NHSL1: variants seen among roughly 807,000 people sequenced by gnomAD.
NHSL1 encodes the protein NHS-like protein 1.
Under a neutral mutation model 95.0 loss-of-function variants are expected in NHSL1, and 48 were observed. The observed-to-expected ratio is 0.51, with a 90% CI of 0.40 to 0.64. The LOEUF (loss-of-function observed/expected upper bound fraction) is 0.64, where lower values mean the gene tolerates loss of function less well. Ranked by LOEUF, NHSL1 falls within the 30% of genes least tolerant of loss-of-function variation. NHSL1 has a pLI of 0.00. For missense variants in NHSL1, 1,971 were observed against 2,077.7 expected, an observed-to-expected ratio of 0.95 and a Z score of 1.00; for synonymous variants, 783 against 833.9, an observed-to-expected ratio of 0.94 and a Z score of 1.05.
chr6:138,501,047 A>G (rs1452159710), upstream of NHSL1, among the ~76,000 whole-genome samples: 1 of 152,236 alleles, frequency 6.6e-6, no homozygotes, highest in Non-Finnish European at 1.5e-5. Flanking sequence ...TGCTCATTGC[A>G]TTAGACACAA....
intron 2 of NHSL1, among the ~76,000 whole-genome samples, chr6:138,492,254 C>A (rs1780121740): frequency 6.6e-6 from 1 of 152,124 alleles, no homozygotes; most frequent in African/African-American, 2.4e-5. Flanking sequence ...GTGAGGGGAC[C>A]TCCCAGTGCT....
At position 138,433,532 on chromosome 6, in the gene NHSL1, G is replaced by T. The variant is rs374458398; in HGVS notation, c.813C>A (p.Val271=). The change falls in exon 6 of 8, where the codon GTC becomes GTA. Residue 271 remains valine (V), a synonymous_variant. Coordinates refer to ENST00000343505, the MANE Select transcript of NHSL1 (RefSeq NM_001144060.2). ...TGATTCTCCTCATGGAAGGTGGTAC[G>T]ACCTTCACATCCTCCGTCTGACAGC... ...DSSCQTEDVK[V]VPPSMRRIRA... 6.4e-7 allele frequency: 1 copy of T among 1,551,926 alleles called. No individual in the cohort carries two copies. Among genetic ancestry groups the T allele is most frequent in the Admixed American group, 2.0e-5 (1 of 51,000 alleles).
intron 1 of NHSL1, among the ~76,000 whole-genome samples, chr6:138,680,297 G>A (rs1330700076): frequency 2.0e-5 from 3 of 152,164 alleles, no homozygotes; most frequent in Non-Finnish European, 4.4e-5. Context: ...TCAAATGTCT[G>A]TCAGTGTCAC....
intron 3 of NHSL1, among the ~76,000 whole-genome samples, chr6:138,463,727 T>C (rs904461705): frequency 1.3e-5 from 2 of 151,968 alleles, no homozygotes; most frequent in Non-Finnish European, 2.9e-5. Flanking sequence ...CGGTGTGTGA[T>C]GTTCCCCTCC....
rs1049758696 is a variant in NHSL1 at position 138,630,175 on chromosome 6, C to A, written c.96+62301G>T. On this transcript the variant is annotated intron_variant, in intron 1 of 3. Coordinates refer to the NHSL1 transcript ENST00000491526. ...GGCTGCGGTAAGCCATGCTGCAGCT[C>A]CAGCCTGAGCGACAGAGTAAGACCT... is the stretch of plus-strand genomic sequence containing the variant. Among the ~76,000 whole-genome samples, 3 of 151,900 alleles carry A rather than the reference C, an allele frequency of 2.0e-5. No individual in the cohort carries two copies. The East Asian group carries it at 5.8e-4, about 29-fold the overall frequency.
intron 1 of NHSL1, among the ~76,000 whole-genome samples, chr6:138,530,533 C>T (rs1782089525): frequency 6.6e-6 from 1 of 152,068 alleles, no homozygotes; most frequent in African/African-American, 2.4e-5. Context: ...GCCTAAATGC[C>T]CAATAACTGA....
chr6:138,675,628 C>T (rs1268776936), intron 1 of NHSL1, among the ~76,000 whole-genome samples: 7 of 152,024 alleles, frequency 4.6e-5, no homozygotes, highest in Non-Finnish European at 7.4e-5. Context: ...TCCGTCTCCT[C>T]GGTTCAAGTG....
chr6:138,605,572 T>A (rs1162383989), intron 1 of NHSL1, among the ~76,000 whole-genome samples: 1 of 152,246 alleles, frequency 6.6e-6, no homozygotes, highest in East Asian at 1.9e-4. Flanking sequence ...AAAACTGTTC[T>A]AGCTCCAGCT....
chr6:138,643,073 C>T (rs2114688510), intron 1 of NHSL1, among the ~76,000 whole-genome samples: 1 of 152,228 alleles, frequency 6.6e-6, no homozygotes, highest in South Asian at 2.1e-4. Flanking sequence ...TTAAAGAAAA[C>T]AGATCAAGCC....
chr6:138,423,256 C>T lies in NHSL1; in HGVS notation c.*825G>A, dbSNP rs1466543801. The T allele has an allele frequency of 6.6e-6, 1 of 152,192 alleles. No individual in the cohort carries two copies. The highest frequency in any genetic ancestry group is 1.5e-5 in the Non-Finnish European group (1 of 68,028). The allele number at this position is 152,192 out of a possible 1,614,324, so 9.4% of individuals were successfully genotyped here. A position where few individuals can be genotyped will look rare whatever the true frequency, so the allele number is the denominator to read the frequency against. Reference sequence around the variant, plus strand: ...CTCCTTTCCAACCCTTCCCCTCTCTCTATGTCCACACCATCACTTCAGTTG... The same window carrying T: ...CTCCTTTCCAACCCTTCCCCTCTCTTTATGTCCACACCATCACTTCAGTTG... On this transcript the variant is annotated 3_prime_UTR_variant, in exon 8 of 8. Transcript: ENST00000343505.
intron 3 of NHSL1, among the ~76,000 whole-genome samples, chr6:138,471,620 A>G (rs1248326681): frequency 6.6e-6 from 1 of 152,194 alleles, no homozygotes; most frequent in Admixed American, 6.5e-5. Flanking sequence ...AAGGAATAGG[A>G]AGTTGTTGAC....
chr6:138,641,784 C>T (rs1784962471), intron 1 of NHSL1, among the ~76,000 whole-genome samples: 1 of 152,080 alleles, frequency 6.6e-6, no homozygotes, highest in Non-Finnish European at 1.5e-5. Context: ...ATTCCTCTGG[C>T]CTGTGAAGAC....
In NHSL1 at chr6:138,616,592, G is replaced by A. The variant is rs139185004; in HGVS notation, c.96+75884C>T. Among the ~76,000 whole-genome samples, 421 of 152,218 alleles carry A rather than the reference G, an allele frequency of 2.8e-3. 1 individual carries two copies. The highest frequency in any genetic ancestry group is 9.5e-3 in the African/African-American group (396 of 41,530). The stretch of plus-strand genomic sequence containing the variant: ...CACAAAGGAGAAAGCTGATTTGGGT[G>A]TACCTTCCCATCCCAAGTATTTGGG... On this transcript the variant is annotated intron_variant, in intron 1 of 3. Transcript: ENST00000491526.
intron 3 of NHSL1, among the ~76,000 whole-genome samples, chr6:138,468,355 T>A (rs1165241938): frequency 6.6e-6 from 1 of 152,222 alleles, no homozygotes; most frequent in African/African-American, 2.4e-5. Context: ...AGCAACAGGC[T>A]ATATACCGGG....
chr6:138,582,214 A>G (rs1217468018), intron 1 of NHSL1, among the ~76,000 whole-genome samples: 1 of 152,124 alleles, frequency 6.6e-6, no homozygotes, highest in Non-Finnish European at 1.5e-5. Flanking sequence ...GCCTTAATTT[A>G]AAGAGCAGTT....
At chr6:138,587,006 T>C (rs2114509519) in intron 1 of NHSL1, among the ~76,000 whole-genome samples, 1 of 152,136 alleles carries the variant, frequency 6.6e-6, no homozygotes, top group Middle Eastern at 3.4e-3. Flanking sequence ...GGAGTCTCGC[T>C]CTGTCATCCA....
chr6:138,655,415 C>T (rs1785144773), intron 1 of NHSL1, among the ~76,000 whole-genome samples: 1 of 152,160 alleles, frequency 6.6e-6, no homozygotes, highest in African/African-American at 2.4e-5. Context: ...TCTTTGAGGT[C>T]AGAGGATATT....
chr6:138,605,130 T>C (rs116132076), intron 1 of NHSL1, among the ~76,000 whole-genome samples: 3,993 of 152,292 alleles, frequency 0.026, 96 homozygotes, highest in East Asian at 0.066. Flanking sequence ...TGCACTGCAT[T>C]ATCAAAAGCA....
At chr6:138,606,944 C>T (rs1784442946) in intron 1 of NHSL1, among the ~76,000 whole-genome samples, 1 of 151,952 alleles carries the variant, frequency 6.6e-6, no homozygotes, top group African/African-American at 2.4e-5. Flanking sequence ...ACCTCATGAT[C>T]CGCCTGCCTC....
Sources: gnomAD v4.1 joint callset for allele counts (sites outside exome capture counted in the v4.1 genomes callset) on GRCh38, gnomAD v4.1.1 for gene constraint, MANE v1.5 for transcripts, NCBI Gene and HGNC (gene_info 2026-07-23, HGNC 2026-07-21) for gene names.